Variants in SMYD3 observed in about 807,000 individuals in gnomAD.
SMYD3 encodes histone-lysine N-methyltransferase SMYD3.
A neutral mutation model predicts 57.7 loss-of-function variants in SMYD3; 36 were observed. That is an observed-to-expected ratio of 0.62 (90% CI 0.48 to 0.82). SMYD3 has a LOEUF of 0.82. SMYD3 is among the 40% of genes least tolerant of loss of function. SMYD3 has a pLI of 0.00. For synonymous variants in SMYD3, 211 were observed against 195.0 expected (o/e 1.08, Z -0.68); for missense variants, 515 against 538.8 (o/e 0.96, Z 0.44).
At chr1:246,154,539 C>T (rs1441256392) in intron 5 of SMYD3, among the ~76,000 whole-genome samples, 1 of 152,124 alleles carries the variant, frequency 6.6e-6, no homozygotes, top group Non-Finnish European at 1.5e-5. Context: ...GTGTTTTCTG[C>T]TTTCCTTTAA....
intron 5 of SMYD3, among the ~76,000 whole-genome samples, chr1:245,961,789 TG>T (rs1450104684): frequency 6.6e-6 from 1 of 152,138 alleles, no homozygotes; most frequent in Non-Finnish European, 1.5e-5. Flanking sequence ...ATAATTAACA[TG>T]TATTTTGAGA....
At chr1:246,065,188 T>C (rs2060320433) in intron 5 of SMYD3, among the ~76,000 whole-genome samples, 1 of 152,192 alleles carries the variant, frequency 6.6e-6, no homozygotes, top group South Asian at 2.1e-4. Context: ...AAAGCACAAC[T>C]TACAAAAAGA....
intron 5 of SMYD3, among the ~76,000 whole-genome samples, chr1:246,295,957 G>C (rs890575813): frequency 6.6e-6 from 1 of 152,216 alleles, no homozygotes; most frequent in African/African-American, 2.4e-5. Context: ...GTTTGATTTG[G>C]GTGTTTTGTT....
intron 5 of SMYD3, among the ~76,000 whole-genome samples, chr1:246,053,358 G>A (rs1289066081): frequency 6.6e-6 from 1 of 151,562 alleles, no homozygotes; most frequent in Non-Finnish European, 1.5e-5. Context: ...AAAGGCAAGT[G>A]AAAATAGCCA....
At chr1:246,141,604 G>C (rs2061756680) in intron 5 of SMYD3, among the ~76,000 whole-genome samples, 1 of 152,104 alleles carries the variant, frequency 6.6e-6, no homozygotes, top group Non-Finnish European at 1.5e-5. Context: ...AGAAACTGTG[G>C]TAAGTCCTTT....
chr1:246,434,393 C>G (rs1483505811), intron 1 of SMYD3, among the ~76,000 whole-genome samples: 3 of 152,160 alleles, frequency 2.0e-5, no homozygotes, highest in Non-Finnish European at 4.4e-5. Flanking sequence ...GTGAATTTGT[C>G]TATTTGTCAT....
At chr1:246,384,344 C>T (rs552194607) in intron 1 of SMYD3, among the ~76,000 whole-genome samples, 6 of 151,976 alleles carry the variant, frequency 3.9e-5, no homozygotes, top group Admixed American at 2.6e-4. Flanking sequence ...GAGATGGACA[C>T]ACACACAAAA....
chr1:246,327,123 A>G, intron 5 of SMYD3, 78 bp downstream of exon 5: 2 of 1,576,030 alleles, frequency 1.3e-6, no homozygotes, highest in Non-Finnish European at 1.7e-6. Flanking sequence ...AAGATTCTCG[A>G]CATTTTTGTA....
intron 5 of SMYD3, among the ~76,000 whole-genome samples, chr1:246,023,807 C>CTGTGTGTGTG (rs201726897): frequency 0.039 from 5,468 of 139,534 alleles, 208 homozygotes; most frequent in African/African-American, 0.076. Context: ...TATTACAAAA[C>CTGTGTGTGTG]TGTGTGTGTG....
At chr1:246,487,669 G>C (rs2068208974) in intron 1 of SMYD3, among the ~76,000 whole-genome samples, 1 of 151,510 alleles carries the variant, frequency 6.6e-6, no homozygotes, top group African/African-American at 2.4e-5. Context: ...ACCATGCCCA[G>C]TGTCTAACTT....
chr1:246,078,994 A>C (rs2060593200), intron 5 of SMYD3, among the ~76,000 whole-genome samples: 1 of 152,104 alleles, frequency 6.6e-6, no homozygotes, highest in Non-Finnish European at 1.5e-5. Flanking sequence ...TAAGATGTCT[A>C]CAAAACCTTC....
intron 10 of SMYD3, among the ~76,000 whole-genome samples, chr1:245,787,242 C>T (rs2047081641): frequency 6.6e-6 from 1 of 152,158 alleles, no homozygotes; most frequent in South Asian, 2.1e-4. Context: ...CTAAAATGGG[C>T]TCATTTATGC....
At chr1:245,960,042 G>C (rs1195878026) in intron 5 of SMYD3, among the ~76,000 whole-genome samples, 1 of 152,160 alleles carries the variant, frequency 6.6e-6, no homozygotes, top group Non-Finnish European at 1.5e-5. Flanking sequence ...GCCTCCCAAA[G>C]TGCTGGGATT....
rs1390795790 is a variant in SMYD3, at chr1:246,214,725, A to G, written c.531+112476T>C. Among the ~76,000 whole-genome samples, 4 of 152,232 alleles carry G rather than the reference A, an allele frequency of 2.6e-5. 1 individual carries two copies. The South Asian group carries it at 8.3e-4, about 32-fold the overall frequency. On this transcript the variant is annotated intron_variant, in intron 5 of 11. Transcript: ENST00000490107. ...AAAATATTTTTTCAGTCTTCCAAAG[A>G]CAGCTACCGGAATATTTAGGAACAG...
At chr1:246,121,384 T>G (rs1445086933) in intron 5 of SMYD3, among the ~76,000 whole-genome samples, 2 of 151,608 alleles carry the variant, frequency 1.3e-5, no homozygotes, top group Admixed American at 1.3e-4. Flanking sequence ...TATTTCTTTT[T>G]CTTTGCTTTT....
chr1:246,256,777 C>G (rs990611557), intron 5 of SMYD3, among the ~76,000 whole-genome samples: 1 of 96,948 alleles, frequency 1.0e-5, no homozygotes, highest in Non-Finnish European at 2.1e-5. Context: ...AAATTGGGAT[C>G]TTTCTAACTT....
chr1:246,244,525 TA>T (rs1333261804), intron 5 of SMYD3, among the ~76,000 whole-genome samples: 5 of 152,254 alleles, frequency 3.3e-5, no homozygotes, highest in African/African-American at 7.2e-5. Flanking sequence ...ATAGTATTTG[TA>T]AATGCCTTAT....
chr1:245,940,112 G>T (rs925007913), intron 5 of SMYD3, among the ~76,000 whole-genome samples: 1 of 152,160 alleles, frequency 6.6e-6, no homozygotes, highest in Non-Finnish European at 1.5e-5. Flanking sequence ...CCAGCCAGGG[G>T]TTTACGGACA....
intron 5 of SMYD3, among the ~76,000 whole-genome samples, chr1:246,074,913 T>TACACACACACACACACACAC (rs60103366): frequency 6.7e-6 from 1 of 148,374 alleles, no homozygotes; most frequent in African/African-American, 2.5e-5. Context: ...GCTAAAGCAA[T>TACACACACACACACACACAC]ACACACACAC....
Sources: gnomAD v4.1 joint callset for allele counts (sites outside exome capture counted in the v4.1 genomes callset) on GRCh38, gnomAD v4.1.1 for gene constraint, MANE v1.5 for transcripts, NCBI Gene and HGNC (gene_info 2026-07-23, HGNC 2026-07-21) for gene names.